Variants in DPP10 observed in about 807,000 individuals in gnomAD.
DPP10 encodes inactive dipeptidyl peptidase 10.
DPP10 carries 33 observed loss-of-function variants against 120.9 expected under a neutral mutation model. The observed-to-expected ratio is 0.27, with a 90% CI of 0.21 to 0.37. DPP10 has a LOEUF of 0.37. DPP10 is among the 10% of genes least tolerant of loss of function. The pLI, the probability that DPP10 is intolerant of heterozygous loss-of-function variation, is 1.00. For missense variants in DPP10, 816 were observed against 942.8 expected (o/e 0.87, Z 1.76); for synonymous variants, 337 against 326.1 (o/e 1.03, Z -0.36).
intron 5 of DPP10, among the ~76,000 whole-genome samples, chr2:115,586,109 G>A (rs970846448): frequency 6.6e-6 from 1 of 152,064 alleles, no homozygotes; most frequent in African/African-American, 2.4e-5. Context: ...GATCACCTGA[G>A]GTCAGGAGTT....
chr2:114,864,333 C>A (rs1431509214), intron 1 of DPP10, among the ~76,000 whole-genome samples: 1 of 152,096 alleles, frequency 6.6e-6, no homozygotes, highest in East Asian at 1.9e-4. Context: ...TGGTGTTGAC[C>A]AAGATGGCCA....
At chr2:114,536,422 T>TC (rs1251028047) in intron 1 of DPP10, among the ~76,000 whole-genome samples, 14 of 150,350 alleles carry the variant, frequency 9.3e-5, no homozygotes, top group Admixed American at 9.3e-4. Flanking sequence ...TTTTTTTTTT[T>TC]TGAGACGTAG....
intron 1 of DPP10, among the ~76,000 whole-genome samples, chr2:114,912,025 G>A (rs1480407852): frequency 2.0e-5 from 3 of 152,126 alleles, no homozygotes; most frequent in Non-Finnish European, 4.4e-5. Context: ...GCCTTAAAGA[G>A]TAAGATTTGG....
At chr2:115,416,056 C>G (rs999199196) in intron 3 of DPP10, among the ~76,000 whole-genome samples, 1 of 151,778 alleles carries the variant, frequency 6.6e-6, no homozygotes, top group Non-Finnish European at 1.5e-5. Flanking sequence ...TTTTTGGTTA[C>G]TCTATCTTCT....
intron 1 of DPP10, among the ~76,000 whole-genome samples, chr2:114,999,915 A>G (rs1011392956): frequency 3.9e-5 from 6 of 152,158 alleles, no homozygotes; most frequent in Non-Finnish European, 5.9e-5. Flanking sequence ...CTTTAGAACT[A>G]TATATTATAC....
chr2:114,539,095 A>G (rs1241398993), intron 1 of DPP10, among the ~76,000 whole-genome samples: 1 of 151,534 alleles, frequency 6.6e-6, no homozygotes, highest in Non-Finnish European at 1.5e-5. Context: ...TAGCAGACAA[A>G]GTGATGTTTT....
chr2:115,555,409 T>G (rs2080149020), intron 5 of DPP10, among the ~76,000 whole-genome samples: 1 of 152,112 alleles, frequency 6.6e-6, no homozygotes, highest in Non-Finnish European at 1.5e-5. Context: ...TATACTACTT[T>G]AACAAAGGAT....
chr2:114,637,935 C>A (rs1458355738), intron 1 of DPP10, among the ~76,000 whole-genome samples: 2 of 151,742 alleles, frequency 1.3e-5, no homozygotes, highest in East Asian at 3.9e-4. Context: ...TCCAGCTTTG[C>A]TCTTTTTGCT....
At chr2:114,735,364 A>T (rs912963370) in intron 1 of DPP10, among the ~76,000 whole-genome samples, 3 of 152,110 alleles carry the variant, frequency 2.0e-5, no homozygotes, top group Non-Finnish European at 2.9e-5. Context: ...GGCAGGCGTG[A>T]ATTTCTTCTG....
At chr2:115,789,465 A>G (rs1182803801) in intron 17 of DPP10, among the ~76,000 whole-genome samples, 1 of 152,232 alleles carries the variant, frequency 6.6e-6, no homozygotes, top group Non-Finnish European at 1.5e-5. Context: ...GATAGAAAAG[A>G]AATTCCTGAA....
At chr2:114,946,935 G>C (rs186299841) in intron 1 of DPP10, among the ~76,000 whole-genome samples, 1 of 152,116 alleles carries the variant, frequency 6.6e-6, no homozygotes, top group Admixed American at 6.5e-5. Flanking sequence ...TTTCTGGGAA[G>C]AATGTTAAAT....
At chr2:114,534,680 C>G (rs961622224) in intron 1 of DPP10, among the ~76,000 whole-genome samples, 4 of 151,376 alleles carry the variant, frequency 2.6e-5, no homozygotes, top group Non-Finnish European at 1.5e-5. Context: ...CTTGATGTCC[C>G]TAGAAACCTT....
At chr2:115,692,666 C>G (rs575494344) in intron 7 of DPP10, among the ~76,000 whole-genome samples, 1 of 152,008 alleles carries the variant, frequency 6.6e-6, no homozygotes, top group Non-Finnish European at 1.5e-5. Context: ...GCTGTTTTAA[C>G]AACAGCTGGT....
At chr2:115,557,082 A>C (rs2080260968) in intron 5 of DPP10, among the ~76,000 whole-genome samples, 1 of 152,170 alleles carries the variant, frequency 6.6e-6, no homozygotes, top group Admixed American at 6.5e-5. Flanking sequence ...GAGGTACCCC[A>C]TGTATTCCAC....
At chr2:114,446,632 C>T (rs776767598) in intron 1 of DPP10, among the ~76,000 whole-genome samples, 1 of 152,178 alleles carries the variant, frequency 6.6e-6, no homozygotes, top group Non-Finnish European at 1.5e-5. Context: ...CTAGTTACTT[C>T]CTACATAGCC....
chr2:115,544,309 A>G (rs2079364067), intron 5 of DPP10, among the ~76,000 whole-genome samples: 1 of 151,982 alleles, frequency 6.6e-6, no homozygotes. Context: ...TTACATATAA[A>G]CCTCCTGGGC....
intron 1 of DPP10, among the ~76,000 whole-genome samples, chr2:115,286,526 A>ATATAAT (rs10675008): frequency 1.6e-5 from 1 of 60,946 alleles, no homozygotes; most frequent in Admixed American, 2.2e-4. Flanking sequence ...ATATATATAT[A>ATATAAT]ATATATATAT....
intron 3 of DPP10, among the ~76,000 whole-genome samples, chr2:115,460,343 A>T (rs1248863740): frequency 6.6e-6 from 1 of 152,168 alleles, no homozygotes; most frequent in African/African-American, 2.4e-5. Context: ...GAAGAGACAT[A>T]ATGAAATACC....
intron 11 of DPP10, among the ~76,000 whole-genome samples, chr2:115,757,846 C>G (rs1429719424): frequency 6.6e-6 from 1 of 152,016 alleles, no homozygotes; most frequent in Non-Finnish European, 1.5e-5. Flanking sequence ...TGACAATATT[C>G]AAAACCAATT....
Sources: gnomAD v4.1 joint callset for allele counts (sites outside exome capture counted in the v4.1 genomes callset) on GRCh38, gnomAD v4.1.1 for gene constraint, MANE v1.5 for transcripts, NCBI Gene and HGNC (gene_info 2026-07-23, HGNC 2026-07-21) for gene names.